LRP1B: variants seen among roughly 807,000 people sequenced by gnomAD.
LRP1B encodes the protein low-density lipoprotein receptor-related protein 1B.
A neutral mutation model predicts 556.6 loss-of-function variants in LRP1B; 217 were observed. The observed-to-expected ratio is 0.39, with a 90% CI of 0.35 to 0.44. The LOEUF is 0.44. Ranked by LOEUF, LRP1B falls within the 20% of genes least tolerant of loss-of-function variation. The probability of loss-of-function intolerance (pLI) is 1.00; values close to 1 mark genes in which losing one functional copy is unlikely to be tolerated. For missense variants in LRP1B, 5,053 were observed against 5,620.8 expected, an observed-to-expected ratio of 0.90 and a Z score of 3.23; for synonymous variants, 2,047 against 1,865.8, an observed-to-expected ratio of 1.10 and a Z score of -2.50.
chr2:142,120,312 A>G (rs1350836423), intron 1 of LRP1B, among the ~76,000 whole-genome samples: 2 of 152,110 alleles, frequency 1.3e-5, no homozygotes, highest in African/African-American at 4.8e-5. Flanking sequence ...GGGTTTCACC[A>G]TGTTGGCCAG....
At chr2:142,008,992 A>G (rs1702878060) in intron 1 of LRP1B, among the ~76,000 whole-genome samples, 1 of 152,186 alleles carries the variant, frequency 6.6e-6, no homozygotes, top group South Asian at 2.1e-4. Context: ...CAGCAAAACC[A>G]TGCACTGAAG....
chr2:140,968,391 T>A (rs938817319), intron 18 of LRP1B, among the ~76,000 whole-genome samples: 1 of 152,164 alleles, frequency 6.6e-6, no homozygotes, highest in Non-Finnish European at 1.5e-5. Flanking sequence ...TTTTATCATT[T>A]TTTATTGTGT....
At chr2:140,472,361 T>C (rs1035127613) in intron 60 of LRP1B, among the ~76,000 whole-genome samples, 3 of 152,170 alleles carry the variant, frequency 2.0e-5, no homozygotes, top group African/African-American at 7.2e-5. Flanking sequence ...TGTATCATTA[T>C]ATTATTAATA....
intron 33 of LRP1B, among the ~76,000 whole-genome samples, chr2:140,772,075 T>C (rs985233210): frequency 1.3e-5 from 2 of 152,214 alleles, no homozygotes; most frequent in South Asian, 2.1e-4. Context: ...TCGCTGCTCA[T>C]GTCCTGTATC....
At chr2:141,007,210 G>A (rs1438200882) in intron 14 of LRP1B, among the ~76,000 whole-genome samples, 1 of 151,910 alleles carries the variant, frequency 6.6e-6, no homozygotes, top group East Asian at 1.9e-4. Flanking sequence ...CTGAGGCTCA[G>A]AGGTTGGATG....
intron 1 of LRP1B, among the ~76,000 whole-genome samples, chr2:141,898,222 C>A (rs1004776876): frequency 6.6e-6 from 1 of 152,112 alleles, no homozygotes; most frequent in Non-Finnish European, 1.5e-5. Context: ...TCCATCGCCT[C>A]CACCATTTCT....
At chr2:141,455,165 A>G (rs931074091) in intron 3 of LRP1B, among the ~76,000 whole-genome samples, 3 of 152,072 alleles carry the variant, frequency 2.0e-5, no homozygotes, top group Admixed American at 1.3e-4. Context: ...AGGCCTGGTC[A>G]AAAACCTTTG....
chr2:141,047,191 C>T (rs1419651046), intron 11 of LRP1B, among the ~76,000 whole-genome samples: 1 of 151,970 alleles, frequency 6.6e-6, no homozygotes, highest in East Asian at 1.9e-4. Flanking sequence ...CTATCATCTG[C>T]TATCACATTA....
Position 140,556,667 on chromosome 2 carries a change from G to A in LRP1B, c.7195-14696C>T, listed in dbSNP as rs146960054. On this transcript the variant is annotated intron_variant, in intron 43 of 90. Transcript: ENST00000389484. The stretch of plus-strand genomic sequence containing the variant: ...AATGGGCAAGGAAAGACTTACCTTC[G>A]TCCCTACATCTGTTTGAAACATACT... 1.9e-3 allele frequency among the ~76,000 whole-genome samples: 282 copies of A among 151,856 alleles called. 2 individuals are homozygous for A. Among genetic ancestry groups the A allele is most frequent in the African/African-American group, 5.8e-3 (241 of 41,414 alleles).
intron 6 of LRP1B, chr2:141,208,300 G>A (rs760268040): frequency 1.3e-5 from 2 of 152,222 alleles, no homozygotes; most frequent in Admixed American, 1.3e-4. Flanking sequence ...CCAGTAGCTT[G>A]TGTTGCAGGG....
chr2:141,094,279 G>A (rs1023026663), intron 7 of LRP1B, among the ~76,000 whole-genome samples: 8 of 151,778 alleles, frequency 5.3e-5, no homozygotes, highest in East Asian at 1.9e-4. Flanking sequence ...ATATTAAATG[G>A]CACTAAATAT....
intron 1 of LRP1B, among the ~76,000 whole-genome samples, chr2:142,080,180 G>A (rs1326945342): frequency 1.3e-5 from 2 of 151,884 alleles, no homozygotes; most frequent in African/African-American, 4.8e-5. Flanking sequence ...GACTTGTTCT[G>A]GGAAAACTGC....
intron 3 of LRP1B, among the ~76,000 whole-genome samples, chr2:141,387,908 A>G (rs1689890313): frequency 6.6e-6 from 1 of 152,158 alleles, no homozygotes; most frequent in African/African-American, 2.4e-5. Flanking sequence ...ACAATCAAAC[A>G]AACAGAAAAA....
chr2:141,623,634 T>G (rs1383695221), intron 2 of LRP1B, among the ~76,000 whole-genome samples: 1 of 151,914 alleles, frequency 6.6e-6, no homozygotes, highest in Admixed American at 6.6e-5. Context: ...TGGTGTAGAG[T>G]AACAAGCAAG....
intron 66 of LRP1B, among the ~76,000 whole-genome samples, chr2:140,423,015 A>C (rs1483477132): frequency 2.6e-5 from 4 of 152,196 alleles, no homozygotes; most frequent in African/African-American, 9.7e-5. Context: ...AGCCAAAAAA[A>C]CAAAACCAAG....
At chr2:141,957,427 G>A (rs572043781) in intron 1 of LRP1B, among the ~76,000 whole-genome samples, 2 of 150,096 alleles carry the variant, frequency 1.3e-5, no homozygotes, top group African/African-American at 2.5e-5. Flanking sequence ...GCTTTGTTTC[G>A]TGCACAGCCA....
At chr2:141,709,837 C>G (rs1402056081) in intron 2 of LRP1B, among the ~76,000 whole-genome samples, 1 of 152,014 alleles carries the variant, frequency 6.6e-6, no homozygotes, top group Non-Finnish European at 1.5e-5. Context: ...GATTGGCTGG[C>G]TTATAAGTAA....
chr2:141,738,037 CA>C (rs1467339524), intron 2 of LRP1B, among the ~76,000 whole-genome samples: 1 of 151,602 alleles, frequency 6.6e-6, no homozygotes, highest in Non-Finnish European at 1.5e-5. Context: ...CTTGCTGAGC[CA>C]CATGCAATCT....
At chr2:141,277,639 AT>A (rs1456029751) in intron 3 of LRP1B, among the ~76,000 whole-genome samples, 4 of 148,928 alleles carry the variant, frequency 2.7e-5, no homozygotes, top group African/African-American at 9.9e-5. Flanking sequence ...GGGAGTATAT[AT>A]TTTTTGTTGT....
Sources: allele counts gnomAD v4.1 joint callset (sites outside exome capture counted in the v4.1 genomes callset), GRCh38; gene constraint gnomAD v4.1.1; transcripts MANE v1.5; gene names NCBI Gene and HGNC (gene_info 2026-07-23, HGNC 2026-07-21).